Variants in SLC12A1 observed in about 807,000 individuals in gnomAD.
SLC12A1 encodes solute carrier family 12 member 1.
In SLC12A1, 89 loss-of-function variants were observed where a neutral mutation model predicts 130.4. That is an observed-to-expected ratio of 0.68 (90% CI 0.58 to 0.81). SLC12A1 has a LOEUF of 0.81. Ranked by LOEUF, SLC12A1 falls within the 40% of genes least tolerant of loss-of-function variation. The probability of loss-of-function intolerance (pLI) is 0.00; values close to 1 mark genes in which losing one functional copy is unlikely to be tolerated. For synonymous variants in SLC12A1, 499 were observed against 460.0 expected, an observed-to-expected ratio of 1.08 and a Z score of -1.09; for missense variants, 1,310 against 1,336.4, an observed-to-expected ratio of 0.98 and a Z score of 0.31.
intron 2 of SLC12A1, among the ~76,000 whole-genome samples, chr15:48,211,877 A>G (rs2141005391): frequency 6.6e-6 from 1 of 152,318 alleles, no homozygotes; most frequent in African/African-American, 2.4e-5. Flanking sequence ...AATCCCAATG[A>G]CTTGAGATCG....
chr15:48,259,754 A>C (rs1346481660), intron 17 of SLC12A1, among the ~76,000 whole-genome samples: 1 of 152,336 alleles, frequency 6.6e-6, no homozygotes, highest in Middle Eastern at 3.4e-3. Flanking sequence ...TATTTGGATA[A>C]GTTTGATGAC....
intron 9 of SLC12A1, chr15:48,236,932 T>G (rs2041446482): frequency 3.0e-6 from 2 of 664,616 alleles, no homozygotes; most frequent in Admixed American, 2.6e-5. Flanking sequence ...TTGTATCAGA[T>G]GTATAGCAGT....
At chr15:48,255,774 C>A in intron 15 of SLC12A1, 37 bp from the exon 16 acceptor site, 1 of 1,260,504 alleles carries the variant, frequency 7.9e-7, no homozygotes, top group Non-Finnish European at 1.1e-6. Context: ...GAGGAAAGGT[C>A]AGTGTTTTTT....
chr15:48,279,147 C>T (rs185003267), intron 20 of SLC12A1, among the ~76,000 whole-genome samples: 10 of 152,252 alleles, frequency 6.6e-5, no homozygotes, highest in Admixed American at 6.5e-4. Flanking sequence ...ATTAACTTTC[C>T]GCCACATTTC....
chr15:48,287,340 T>C (rs2042070205), intron 21 of SLC12A1, among the ~76,000 whole-genome samples: 1 of 151,038 alleles, frequency 6.6e-6, no homozygotes, highest in Non-Finnish European at 1.5e-5. Context: ...GTAAAGATGT[T>C]TTGTATTTCC....
intron 21 of SLC12A1, 147 bp downstream of exon 21, chr15:48,285,396 A>G (rs2042046978): frequency 1.5e-6 from 1 of 662,110 alleles, no homozygotes; most frequent in Non-Finnish European, 2.6e-6. Context: ...GGTAGTATGG[A>G]TAAACGGTAG....
At chr15:48,249,440 C>A in intron 13 of SLC12A1, 135 bp from the exon 14 acceptor site, 1 of 706,214 alleles carries the variant, frequency 1.4e-6, no homozygotes, top group Non-Finnish European at 2.5e-6. Context: ...AGAAAAATGA[C>A]TAACTTCTTA....
At chr15:48,227,202 G>C in intron 5 of SLC12A1, 1 of 1,391,990 alleles carries the variant, frequency 7.2e-7, no homozygotes, top group Non-Finnish European at 1.0e-6. Context: ...CTTATGACTA[G>C]AGGCTTGGTT....
At chr15:48,288,326 T>C (rs1009626247) in intron 22 of SLC12A1, 79 bp from the exon 23 acceptor site, 8 of 1,046,448 alleles carry the variant, frequency 7.6e-6, no homozygotes, top group Admixed American at 4.7e-5. Flanking sequence ...ATCAATGTGG[T>C]AATGAATAAA....
chr15:48,272,575 C>G (rs147598113), intron 19 of SLC12A1, among the ~76,000 whole-genome samples: 1 of 152,074 alleles, frequency 6.6e-6, no homozygotes, highest in East Asian at 1.9e-4. Context: ...TACAGGTGCA[C>G]ACCACCATGC....
intron 9 of SLC12A1, among the ~76,000 whole-genome samples, chr15:48,235,878 A>T (rs759844613): frequency 3.3e-5 from 5 of 152,160 alleles, no homozygotes; most frequent in Non-Finnish European, 7.4e-5. Flanking sequence ...GGGGATAAGC[A>T]TGTAGAGGGC....
intron 5 of SLC12A1, chr15:48,227,013 C>A: frequency 2.0e-6 from 2 of 985,456 alleles, no homozygotes; most frequent in Non-Finnish European, 1.6e-6. Flanking sequence ...CAGACTGCTG[C>A]CTCCTGAAGT....
Position 48,303,353 on chromosome 15 carries a change from GGCTGGGGAACATAATTAT to G in SLC12A1, c.*472_*489del, listed in dbSNP as rs1412331755. On this transcript the variant is annotated 3_prime_UTR_variant, in exon 27 of 27. Transcript: ENST00000380993. ...TGGTTATCAAAGGAAAAGACCAATA[GGCTGGGGAACATAATTAT>G]GCTTGGCCCCCTCAGAGGCTTATAC... 2.0e-5 allele frequency: 3 copies of G among 152,384 alleles called. No individual in the cohort carries two copies. The highest frequency in any genetic ancestry group is 7.2e-5 in the African/African-American group (3 of 41,438). 9.4% of individuals were successfully genotyped at this position (152,384 alleles called of 1,614,324 possible).
chr15:48,234,954 C>T lies in SLC12A1; in HGVS notation c.1165C>T (p.Pro389Ser). 6.2e-7 allele frequency: 1 copy of T among 1,613,682 alleles called. No individual in the cohort carries two copies. The highest frequency in any genetic ancestry group is 2.2e-5 in the East Asian group (1 of 44,864). ...CTTCTCTGTCTTTGCCATTTTTTTC[C>T]CAGCAGCTACTGGGATTCTTGCTGG... is the stretch of plus-strand genomic sequence containing the variant. ...GFFSVFAIFF[P>S]AATGILAGAN... The change falls in exon 9 of 27, where the codon CCA (proline) becomes TCA (serine). Residue 389 changes from proline to serine, a missense_variant. Pro to Ser is a moderately conservative substitution (Grantham distance 74). Transcript: ENST00000380993.
In SLC12A1 at chr15:48,267,651, G is replaced by T; in HGVS notation, c.2245G>T (p.Ala749Ser). The T allele has an allele frequency of 6.2e-7, 1 of 1,613,612 alleles. No individual in the cohort carries two copies. The highest frequency in any genetic ancestry group is 8.5e-7 in the Non-Finnish European group (1 of 1,179,622). Residue 749 changes from alanine to serine, a missense_variant, in exon 18 of 27, where the codon GCT (alanine) becomes TCT (serine). By Grantham distance (99) the Ala-to-Ser change is moderately conservative. Transcript: ENST00000380993. Reference protein sequence around the residue: ...LIKNKIKAFYAAVAADCFRDG... With the variant: ...LIKNKIKAFYSAVAADCFRDG... ...AAAGAACAAAATCAAGGCTTTTTATGCTGCAGTGGCGGCAGACTGTTTCAG... is the reference window on the plus strand; with the variant it reads ...AAAGAACAAAATCAAGGCTTTTTATTCTGCAGTGGCGGCAGACTGTTTCAG...
chr15:48,245,363 G>GTAAC (rs2041565368), intron 11 of SLC12A1, among the ~76,000 whole-genome samples: 1 of 152,136 alleles, frequency 6.6e-6, no homozygotes, highest in Non-Finnish European at 1.5e-5. Context: ...TTCACTGTGA[G>GTAAC]TAGTTCACTC....
At position 48,280,690 on chromosome 15, in the gene SLC12A1, T is replaced by G. The variant is rs1323059986; in HGVS notation, c.2486-4416T>G. On this transcript the variant is annotated intron_variant, in intron 20 of 26. Transcript: ENST00000380993. Reference sequence around the variant, plus strand: ...TGGTCTTTTCCAGGGAAAAGTCCCCTCTCCTTCCCCACTTGCCTCTCATGC... The same window carrying G: ...TGGTCTTTTCCAGGGAAAAGTCCCCGCTCCTTCCCCACTTGCCTCTCATGC... 2.0e-5 allele frequency among the ~76,000 whole-genome samples: 3 copies of G among 152,056 alleles called. No homozygotes were observed. The East Asian group carries it at 5.8e-4, about 29-fold the overall frequency.
Position 48,240,072 on chromosome 15 carries a change from C to CATAT in SLC12A1, c.1216-1428_1216-1425dup, listed in dbSNP as rs1431987341. Among the ~76,000 whole-genome samples, 170 of 52,066 alleles carry CATAT rather than the reference C, an allele frequency of 3.3e-3. 5 individuals carry two copies. The highest frequency in any genetic ancestry group is 4.3e-3 in the Admixed American group (21 of 4,834). The allele number at this position is 52,066 out of a possible 152,430, so 34.2% of individuals were successfully genotyped here. On this transcript the variant is annotated intron_variant, in intron 9 of 26. Transcript: ENST00000380993. ...ATCCATATATATATATATATATATC[C>CATAT]ATATATATATATATATATCCATATA...
chr15:48,269,614 C>T (rs1165507325), intron 18 of SLC12A1, 44 bp from the exon 19 acceptor site: 3 of 1,005,480 alleles, frequency 3.0e-6, no homozygotes, highest in Non-Finnish European at 4.7e-6. Flanking sequence ...TGGTAGTTTC[C>T]CAGTACGGTA....
Sources: gnomAD v4.1 joint callset for allele counts (sites outside exome capture counted in the v4.1 genomes callset) on GRCh38, gnomAD v4.1.1 for gene constraint, MANE v1.5 for transcripts, NCBI Gene and HGNC (gene_info 2026-07-23, HGNC 2026-07-21) for gene names.